The following MAP1LC3B2 variants were observed in gnomAD, a reference collection of about 807,000 sequenced individuals.
MAP1LC3B2 encodes the protein microtubule associated protein 1 light chain 3 beta 2.
For synonymous variants in MAP1LC3B2, 62 were observed against 57.8 expected (o/e 1.07, Z -0.33); for missense variants, 155 against 154.6 (o/e 1.00, Z -0.01).
At chr12:116,561,544 A>T (rs1200519569) in intron 1 of MAP1LC3B2, among the ~76,000 whole-genome samples, 5 of 152,104 alleles carry the variant, frequency 3.3e-5, no homozygotes, top group Admixed American at 1.3e-4. Flanking sequence ...CTTCATAACG[A>T]TCAGGAAGCA....
At chr12:116,572,540 A>G (rs1345090831) in intron 1 of MAP1LC3B2, among the ~76,000 whole-genome samples, 1 of 151,626 alleles carries the variant, frequency 6.6e-6, no homozygotes, top group Non-Finnish European at 1.5e-5. Context: ...AATTTTTTGT[A>G]TTTTTAGTAG....
At chr12:116,569,469 G>A (rs17581750) in intron 1 of MAP1LC3B2, among the ~76,000 whole-genome samples, 8,323 of 152,238 alleles carry the variant, frequency 0.055, 312 homozygotes, top group East Asian at 0.2. Context: ...TTGTGGCAAT[G>A]TACTTAACAT....
chr12:116,569,070 G>C (rs1253599581), intron 1 of MAP1LC3B2, among the ~76,000 whole-genome samples: 1 of 151,930 alleles, frequency 6.6e-6, no homozygotes, highest in African/African-American at 2.4e-5. Context: ...CACGGTGTTA[G>C]CCAGGATGGT....
intron 1 of MAP1LC3B2, among the ~76,000 whole-genome samples, chr12:116,561,829 A>C (rs573744924): frequency 6.6e-6 from 1 of 152,360 alleles, no homozygotes; most frequent in South Asian, 2.1e-4. Flanking sequence ...AGTACATGCA[A>C]AGCTGTTCTT....
At chr12:116,569,801 A>G (rs770576254) in intron 1 of MAP1LC3B2, among the ~76,000 whole-genome samples, 32 of 152,158 alleles carry the variant, frequency 2.1e-4, no homozygotes, top group African/African-American at 3.1e-4. Flanking sequence ...CGCTCCTGTA[A>G]TCCCAGCACT....
intron 1 of MAP1LC3B2, among the ~76,000 whole-genome samples, chr12:116,574,635 G>T (rs950890027): frequency 6.9e-6 from 1 of 144,960 alleles, no homozygotes; most frequent in African/African-American, 2.5e-5. Context: ...GACAGAGCGA[G>T]ACCCTGTCTC....
chr12:116,565,242 C>T (rs1195527970), intron 1 of MAP1LC3B2, among the ~76,000 whole-genome samples: 6 of 152,096 alleles, frequency 3.9e-5, no homozygotes, highest in African/African-American at 1.2e-4. Context: ...AAGACATACT[C>T]GAGACTGGGC....
At chr12:116,570,043 A>G (rs960946708) in intron 1 of MAP1LC3B2, among the ~76,000 whole-genome samples, 1 of 151,942 alleles carries the variant, frequency 6.6e-6, no homozygotes, top group African/African-American at 2.4e-5. Context: ...ACAGAGTGAG[A>G]CTCCATCTCA....
chr12:116,563,088 A>G (rs1209754546), intron 1 of MAP1LC3B2, among the ~76,000 whole-genome samples: 1 of 152,052 alleles, frequency 6.6e-6, no homozygotes, highest in Non-Finnish European at 1.5e-5. Flanking sequence ...CAGCCTCTCG[A>G]GTAGCTGGGA....
At chr12:116,569,497 CTG>C (rs1262693123) in intron 1 of MAP1LC3B2, among the ~76,000 whole-genome samples, 1 of 152,194 alleles carries the variant, frequency 6.6e-6, no homozygotes, top group Non-Finnish European at 1.5e-5. Context: ...ATTGGCAAAA[CTG>C]TAAATCCTTC....
At position 116,563,008 on chromosome 12, in the gene MAP1LC3B2, C is replaced by A. The variant is rs144751933; in HGVS notation, c.-102+3575C>A. On this transcript the variant is annotated intron_variant, in intron 1 of 1. Coordinates refer to ENST00000556529, the MANE Select transcript of MAP1LC3B2 (RefSeq NM_001085481.3). ...TGGAGTTTCGCTCTTGTTGTCCAGG[C>A]TAGAGTGCAATGGCGCGATCTCGGC... 2.6e-5 allele frequency among the ~76,000 whole-genome samples: 4 copies of A among 152,254 alleles called. No individual in the cohort carries two copies. The East Asian group carries it at 7.7e-4, about 29-fold the overall frequency.
chr12:116,569,155 C>T (rs1869465489), intron 1 of MAP1LC3B2, among the ~76,000 whole-genome samples: 1 of 152,136 alleles, frequency 6.6e-6, no homozygotes, highest in South Asian at 2.1e-4. Flanking sequence ...AACTACCGCG[C>T]CCGGCCAATT....
rs537922862 is a variant in MAP1LC3B2 at position 116,570,540 on chromosome 12, G to A, written c.-101-5302G>A. 4.6e-5 allele frequency among the ~76,000 whole-genome samples: 7 copies of A among 152,206 alleles called. No homozygotes were observed. In the South Asian group the frequency reaches 6.2e-4, roughly 14 times the overall value. ...TCAATGGGAGGTAATTGAATCATGGGGGCAGTTTCCCCCATACTGTTCTGG... is the reference window on the plus strand; with the variant it reads ...TCAATGGGAGGTAATTGAATCATGGAGGCAGTTTCCCCCATACTGTTCTGG... On this transcript the variant is annotated intron_variant, in intron 1 of 1. Coordinates refer to ENST00000556529, the MANE Select transcript of MAP1LC3B2 (RefSeq NM_001085481.3).
At chr12:116,563,017 A>G (rs1489727785) in intron 1 of MAP1LC3B2, among the ~76,000 whole-genome samples, 1 of 152,158 alleles carries the variant, frequency 6.6e-6, no homozygotes, top group Non-Finnish European at 1.5e-5. Context: ...GCTAGAGTGC[A>G]ATGGCGCGAT....
intron 1 of MAP1LC3B2, among the ~76,000 whole-genome samples, chr12:116,561,842 A>G (rs1869278703): frequency 6.6e-6 from 1 of 152,234 alleles, no homozygotes; most frequent in South Asian, 2.1e-4. Context: ...CTGTTCTTGA[A>G]CGAGGCTGGA....
intron 1 of MAP1LC3B2, among the ~76,000 whole-genome samples, chr12:116,571,458 C>CTTTTTTTTTTTTTTTTTTTTTTTTTTTT (rs71095564): frequency 2.1e-5 from 1 of 48,104 alleles, no homozygotes. Flanking sequence ...GACTGCTGTT[C>CTTTTTTTTTTTTTTTTTTTTTTTTTTTT]TTTTTTTTTT....
At chr12:116,560,195 T>C (rs1217867774) in intron 1 of MAP1LC3B2, 106 of 3,388 alleles carry the variant, frequency 0.031, no homozygotes, top group South Asian at 0.098. Flanking sequence ...TGGCTATATA[T>C]ATATATATAT....
chr12:116,576,199 A>G lies in MAP1LC3B2; in HGVS notation c.257A>G (p.His86Arg). 4 of 1,614,144 alleles carry G rather than the reference A, an allele frequency of 2.5e-6. No individual in the cohort carries two copies. Among genetic ancestry groups the G allele is most frequent in the Non-Finnish European group, 3.4e-6 (4 of 1,179,996 alleles). ...GCCTTCTTCCTGTTGGTGAACGGAC[A>G]CAGCATGGTCAGCGTCTCCACACCA... Reference protein sequence around the residue: ...NQAFFLLVNGHSMVSVSTPIS... With the variant: ...NQAFFLLVNGRSMVSVSTPIS... Residue 86 changes from histidine to arginine, a missense_variant, in exon 2 of 2, where the codon CAC becomes CGC. Transcript: ENST00000556529.
chr12:116,572,294 TC>T (rs1351728617), intron 1 of MAP1LC3B2, among the ~76,000 whole-genome samples: 1 of 152,162 alleles, frequency 6.6e-6, no homozygotes, highest in East Asian at 1.9e-4. Flanking sequence ...AGCTCCTGTC[TC>T]CTGGTACACT....
Sources: allele counts gnomAD v4.1 joint callset (sites outside exome capture counted in the v4.1 genomes callset), GRCh38; gene constraint gnomAD v4.1.1; transcripts MANE v1.5; gene names NCBI Gene and HGNC (gene_info 2026-07-23, HGNC 2026-07-21).